ARHGAP42: variants seen among roughly 807,000 people sequenced by gnomAD.
The protein encoded by ARHGAP42 is Rho GTPase activating protein 42, also known as rho GTPase-activating protein 42.
ARHGAP42 carries 63 observed loss-of-function variants against 125.0 expected under a neutral mutation model. That is an observed-to-expected ratio of 0.50 (90% CI 0.41 to 0.62). ARHGAP42 has a LOEUF of 0.62. ARHGAP42 is among the 20% of genes least tolerant of loss of function. ARHGAP42 has a pLI of 0.00. For missense variants in ARHGAP42, 766 were observed against 1,024.2 expected (o/e 0.75, Z 3.44); for synonymous variants, 339 against 351.0 (o/e 0.97, Z 0.38).
intron 1 of ARHGAP42, among the ~76,000 whole-genome samples, chr11:100,737,428 CGTTGTTGTT>C (rs751591381): frequency 1.3e-5 from 2 of 151,982 alleles, no homozygotes; most frequent in Admixed American, 1.3e-4. Flanking sequence ...TTTTATGTTT[CGTTGTTGTT>C]GTTGTTGTTT....
chr11:100,742,526 CT>C (rs1862211004), intron 1 of ARHGAP42, among the ~76,000 whole-genome samples: 1 of 152,172 alleles, frequency 6.6e-6, no homozygotes, highest in Admixed American at 6.5e-5. Flanking sequence ...AGTAACAGAT[CT>C]TATTAATTAT....
chr11:100,984,816 A>G (rs1045104176), intron 22 of ARHGAP42, among the ~76,000 whole-genome samples: 1 of 152,100 alleles, frequency 6.6e-6, no homozygotes, highest in African/African-American at 2.4e-5. Flanking sequence ...ACAATAGGTG[A>G]CAGTGTTATT....
At chr11:100,893,679 A>G (rs963321836) in intron 4 of ARHGAP42, among the ~76,000 whole-genome samples, 4 of 152,160 alleles carry the variant, frequency 2.6e-5, no homozygotes, top group Non-Finnish European at 5.9e-5. Flanking sequence ...TCGGTGTATT[A>G]AGAGTTGGAA....
chr11:100,776,043 C>T (rs1591171562), intron 2 of ARHGAP42, among the ~76,000 whole-genome samples: 1 of 151,884 alleles, frequency 6.6e-6, no homozygotes, highest in African/African-American at 2.4e-5. Context: ...CCTGTAATCC[C>T]AGCTACTTGG....
chr11:100,992,121 C>A lies in ARHGAP42; in HGVS notation c.*3320C>A. 1.7e-6 allele frequency: 1 copy of A among 603,932 alleles called. No individual in the cohort carries two copies. The highest frequency in any genetic ancestry group is 2.8e-5 in the East Asian group (1 of 35,308). The allele number at this position is 603,932 out of a possible 1,614,324, so 37.4% of individuals were successfully genotyped here. ...TCATGTGGTTTCAGTTTAGAAGAGT[C>A]CCTCAGAGCTTTGCCTCAAGCAATT... On this transcript the variant is annotated 3_prime_UTR_variant, in exon 24 of 24. Coordinates refer to ENST00000298815, the MANE Select transcript of ARHGAP42 (RefSeq NM_152432.4).
chr11:100,724,898 T>C (rs887329566), intron 1 of ARHGAP42, among the ~76,000 whole-genome samples: 2 of 152,034 alleles, frequency 1.3e-5, no homozygotes, highest in Non-Finnish European at 2.9e-5. Flanking sequence ...TCTAGTTTCT[T>C]AAGGCAGAAG....
chr11:100,902,113 G>A (rs1011209810), intron 4 of ARHGAP42, among the ~76,000 whole-genome samples: 3 of 152,186 alleles, frequency 2.0e-5, no homozygotes, highest in Admixed American at 1.3e-4. Context: ...TCAGTCAAAG[G>A]CAGTTCCTGG....
intron 22 of ARHGAP42, among the ~76,000 whole-genome samples, chr11:100,983,261 G>A (rs1858588566): frequency 6.6e-6 from 1 of 152,064 alleles, no homozygotes; most frequent in South Asian, 2.1e-4. Flanking sequence ...ATAAGAATAA[G>A]CCTATTACAT....
chr11:100,792,272 A>G (rs1426575265), intron 2 of ARHGAP42, among the ~76,000 whole-genome samples: 1 of 152,230 alleles, frequency 6.6e-6, no homozygotes, highest in African/African-American at 2.4e-5. Flanking sequence ...TAAAGGATCT[A>G]TGTCCTCCTA....
intron 3 of ARHGAP42, among the ~76,000 whole-genome samples, chr11:100,797,032 G>C (rs982829392): frequency 6.6e-6 from 1 of 152,180 alleles, no homozygotes. Flanking sequence ...CTCCCAAAAT[G>C]CTGGGATTAC....
intron 2 of ARHGAP42, among the ~76,000 whole-genome samples, chr11:100,786,012 T>G (rs924055473): frequency 1.3e-5 from 2 of 152,208 alleles, no homozygotes; most frequent in Admixed American, 1.3e-4. Context: ...CTTTTTTCCC[T>G]CTGTGAAATC....
At chr11:100,959,695 C>G (rs1219317962) in intron 12 of ARHGAP42, among the ~76,000 whole-genome samples, 188 bp from the exon 13 acceptor site, 1 of 151,984 alleles carries the variant, frequency 6.6e-6, no homozygotes, top group Non-Finnish European at 1.5e-5. Flanking sequence ...GATACAATAG[C>G]TGTGAGGGTG....
chr11:100,696,993 A>G (rs1371496086), intron 1 of ARHGAP42, among the ~76,000 whole-genome samples: 1 of 152,108 alleles, frequency 6.6e-6, no homozygotes, highest in East Asian at 1.9e-4. Flanking sequence ...AGGGTTGTCA[A>G]TGTCAGGTAA....
At chr11:100,732,450 T>A (rs1565545576) in intron 1 of ARHGAP42, among the ~76,000 whole-genome samples, 1 of 152,244 alleles carries the variant, frequency 6.6e-6, no homozygotes, top group Non-Finnish European at 1.5e-5. Context: ...TAAACAAGAA[T>A]GTACATCGTC....
At chr11:100,807,725 G>T (rs1295401004) in intron 3 of ARHGAP42, among the ~76,000 whole-genome samples, 1 of 152,072 alleles carries the variant, frequency 6.6e-6, no homozygotes, top group African/African-American at 2.4e-5. Context: ...CTCTTTCCTC[G>T]CATCTCTAGT....
chr11:100,943,491 A>T (rs952480368), intron 9 of ARHGAP42, among the ~76,000 whole-genome samples: 1 of 152,108 alleles, frequency 6.6e-6, no homozygotes, highest in African/African-American at 2.4e-5. Flanking sequence ...GTATAATTTA[A>T]CATTGTAAGT....
At chr11:100,874,386 A>C (rs1470677702) in intron 4 of ARHGAP42, among the ~76,000 whole-genome samples, 1 of 152,172 alleles carries the variant, frequency 6.6e-6, no homozygotes, top group Non-Finnish European at 1.5e-5. Context: ...AACGAACTAC[A>C]TCCAGACCAT....
intron 1 of ARHGAP42, among the ~76,000 whole-genome samples, chr11:100,751,019 A>C (rs905237000): frequency 6.7e-6 from 1 of 150,298 alleles, no homozygotes; most frequent in African/African-American, 2.5e-5. Flanking sequence ...GCTCACTGCA[A>C]CTTCTACCTC....
chr11:100,842,730 C>T (rs1213011574), intron 3 of ARHGAP42, among the ~76,000 whole-genome samples: 1 of 151,978 alleles, frequency 6.6e-6, no homozygotes, highest in Non-Finnish European at 1.5e-5. Flanking sequence ...ATTGGGTCAA[C>T]AATGAAATCA....
Sources: gnomAD v4.1 joint callset for allele counts (sites outside exome capture counted in the v4.1 genomes callset) on GRCh38, gnomAD v4.1.1 for gene constraint, MANE v1.5 for transcripts, NCBI Gene and HGNC (gene_info 2026-07-23, HGNC 2026-07-21) for gene names.